Variants in CCDC102B observed in about 807,000 individuals in gnomAD.
CCDC102B encodes the protein coiled-coil domain containing 102B, also known as coiled-coil domain-containing protein 102B.
Under a neutral mutation model 57.4 loss-of-function variants are expected in CCDC102B, and 75 were observed. That is an observed-to-expected ratio of 1.31 (90% confidence interval 1.08 to 1.58). The LOEUF is 1.58. Among genes scored for constraint, CCDC102B ranks in the 40% most tolerant of loss-of-function variants. The pLI, the probability that CCDC102B is intolerant of heterozygous loss-of-function variation, is 0.00. For synonymous variants in CCDC102B, 206 were observed against 201.9 expected, an observed-to-expected ratio of 1.02 and a Z score of -0.17; for missense variants, 636 against 582.6, an observed-to-expected ratio of 1.09 and a Z score of -0.94.
At chr18:68,897,753 T>A (rs1294446933) in intron 6 of CCDC102B, 9 of 659,020 alleles carry the variant, frequency 1.4e-5, no homozygotes, top group Middle Eastern at 3.7e-4. Flanking sequence ...AAGCTAATGA[T>A]CTTATTTCCA....
intron 4 of CCDC102B, among the ~76,000 whole-genome samples, chr18:68,874,202 GTGTGTGTGTGTA>G (rs1413156532): frequency 2.0e-4 from 24 of 118,264 alleles, no homozygotes; most frequent in East Asian, 8.0e-4. Context: ...GTGTGTGTGT[GTGTGTGTGTGTA>G]TATATATATA....
intron 6 of CCDC102B, among the ~76,000 whole-genome samples, chr18:68,921,692 G>A (rs1440542981): frequency 6.6e-6 from 1 of 152,126 alleles, no homozygotes; most frequent in Non-Finnish European, 1.5e-5. Context: ...GCAGAGAAAG[G>A]CCTCTGCTTG....
At chr18:68,882,614 G>A (rs1180199785) in intron 5 of CCDC102B, among the ~76,000 whole-genome samples, 1 of 152,054 alleles carries the variant, frequency 6.6e-6, no homozygotes, top group African/African-American at 2.4e-5. Flanking sequence ...ATTATTCCAG[G>A]CTCATATTTC....
At chr18:69,038,104 T>G (rs1359943688) in intron 7 of CCDC102B, among the ~76,000 whole-genome samples, 1 of 151,940 alleles carries the variant, frequency 6.6e-6, no homozygotes, top group Non-Finnish European at 1.5e-5. Flanking sequence ...TTTGTGGTAT[T>G]TTTGTTTTTA....
chr18:69,046,875 T>C (rs185048919), intron 7 of CCDC102B, among the ~76,000 whole-genome samples: 1 of 152,270 alleles, frequency 6.6e-6, no homozygotes, highest in East Asian at 1.9e-4. Context: ...TTGCTCATTT[T>C]TGTCAGCTTT....
chr18:68,869,023 AAGG>A lies in CCDC102B; in HGVS notation c.937-5643_937-5641del, dbSNP rs1457036005. On this transcript the variant is annotated intron_variant, in intron 4 of 7. Coordinates refer to ENST00000360242, the MANE Select transcript of CCDC102B (RefSeq NM_024781.3). ...TGAAGACACAGGGGAGGTGACAGAG[AAGG>A]AGAAGTTAAAGATTTCTGACCTTAT... Among the ~76,000 whole-genome samples the A allele has an allele frequency of 3.3e-5, 5 of 152,288 alleles. No homozygotes were observed. The East Asian group carries it at 5.8e-4, about 18-fold the overall frequency.
intron 6 of CCDC102B, among the ~76,000 whole-genome samples, chr18:68,942,413 G>A (rs1482244014): frequency 1.3e-5 from 2 of 152,076 alleles, no homozygotes; most frequent in East Asian, 2.0e-4. Flanking sequence ...GAGGACCCAC[G>A]CCGGCCCAGT....
chr18:68,942,709 T>G (rs566014323), intron 6 of CCDC102B, among the ~76,000 whole-genome samples: 44 of 151,354 alleles, frequency 2.9e-4, no homozygotes, highest in Non-Finnish European at 6.0e-4. Context: ...GGGTTTTACA[T>G]GGAGACATTC....
intron 6 of CCDC102B, among the ~76,000 whole-genome samples, chr18:68,932,015 T>C (rs2041690084): frequency 6.6e-6 from 1 of 152,002 alleles, no homozygotes; most frequent in Admixed American, 6.6e-5. Context: ...TAATCTTATC[T>C]AAACATTCAG....
intron 6 of CCDC102B, among the ~76,000 whole-genome samples, chr18:68,960,894 C>T (rs1227853021): frequency 1.3e-5 from 2 of 152,108 alleles, no homozygotes; most frequent in Non-Finnish European, 2.9e-5. Context: ...TTAGCAATTC[C>T]AGACTGTCTT....
chr18:68,802,993 T>C (rs1280965760), intron 1 of CCDC102B, among the ~76,000 whole-genome samples: 1 of 152,280 alleles, frequency 6.6e-6, no homozygotes, highest in East Asian at 1.9e-4. Context: ...TCATCATAGG[T>C]GTATTTGTGA....
chr18:68,736,062 A>G (rs1424221661), intron 2 of CCDC102B, among the ~76,000 whole-genome samples: 1 of 152,238 alleles, frequency 6.6e-6, no homozygotes, highest in African/African-American at 2.4e-5. Context: ...CAAATATCAT[A>G]TCCTTTATAC....
At chr18:68,983,575 C>T (rs2050649406) in intron 6 of CCDC102B, among the ~76,000 whole-genome samples, 1 of 151,756 alleles carries the variant, frequency 6.6e-6, no homozygotes, top group Admixed American at 6.6e-5. Flanking sequence ...TGAAACAATG[C>T]AGTAACAATC....
intron 2 of CCDC102B, among the ~76,000 whole-genome samples, chr18:68,790,572 G>T (rs563954397): frequency 6.6e-6 from 1 of 152,324 alleles, no homozygotes; most frequent in South Asian, 2.1e-4. Flanking sequence ...GCAGTATTCG[G>T]GTGGGAGTGA....
chr18:68,933,106 A>T (rs1324193937), intron 6 of CCDC102B, among the ~76,000 whole-genome samples: 2 of 151,332 alleles, frequency 1.3e-5, no homozygotes, highest in Admixed American at 6.6e-5. Context: ...ATAAAAAAAA[A>T]AATATTAGGA....
chr18:68,921,334 A>T (rs1423504944), intron 6 of CCDC102B, among the ~76,000 whole-genome samples: 1 of 152,116 alleles, frequency 6.6e-6, no homozygotes, highest in East Asian at 1.9e-4. Flanking sequence ...TAAAAAGAGG[A>T]GTTTCCCCAC....
At chr18:69,021,304 T>C (rs2051826296) in intron 7 of CCDC102B, among the ~76,000 whole-genome samples, 1 of 152,228 alleles carries the variant, frequency 6.6e-6, no homozygotes, top group Non-Finnish European at 1.5e-5. Context: ...AGAATAGTGA[T>C]AGACTAAAAT....
upstream of CCDC102B, among the ~76,000 whole-genome samples, chr18:68,794,819 G>C (rs1440918516): frequency 2.6e-5 from 4 of 152,016 alleles, no homozygotes; most frequent in Non-Finnish European, 4.4e-5. Context: ...TTTTTATTCT[G>C]AGAGGTCCCA....
chr18:68,949,476 A>T (rs2049634065), intron 6 of CCDC102B, among the ~76,000 whole-genome samples: 1 of 152,164 alleles, frequency 6.6e-6, no homozygotes, highest in Non-Finnish European at 1.5e-5. Context: ...ATGAGGTAGG[A>T]ATATGCTTGT....
Sources: gnomAD v4.1 joint callset for allele counts (sites outside exome capture counted in the v4.1 genomes callset) on GRCh38, gnomAD v4.1.1 for gene constraint, MANE v1.5 for transcripts, NCBI Gene and HGNC (gene_info 2026-07-23, HGNC 2026-07-21) for gene names.